RHBDD1: variants seen among roughly 807,000 people sequenced by gnomAD.
The protein encoded by RHBDD1 is rhomboid-related protein 4.
A neutral mutation model predicts 36.3 loss-of-function variants in RHBDD1; 38 were observed. The ratio of observed to expected loss-of-function variants is 1.05; its 90% CI spans 0.81 to 1.37. The LOEUF (loss-of-function observed/expected upper bound fraction) is 1.37. RHBDD1 is among the 40% of genes most tolerant of loss of function. The probability of loss-of-function intolerance (pLI) is 0.00; values close to 1 mark genes in which losing one functional copy is unlikely to be tolerated. For synonymous variants in RHBDD1, 151 were observed against 136.5 expected, an observed-to-expected ratio of 1.11 and a Z score of -0.74; for missense variants, 393 against 377.6, an observed-to-expected ratio of 1.04 and a Z score of -0.34.
chr2:226,963,152 T>C (rs1271593103), intron 8 of RHBDD1, among the ~76,000 whole-genome samples: 1 of 148,092 alleles, frequency 6.8e-6, no homozygotes, highest in African/African-American at 2.5e-5. Flanking sequence ...CACCCCTGGT[T>C]GAGAACCGCT....
rs1959187145 is a variant in RHBDD1 at position 226,995,807 on chromosome 2, G to A, written c.*285G>A. The A allele has an allele frequency of 4.8e-6, 2 of 414,296 alleles. No homozygotes were observed. Among genetic ancestry groups the A allele is most frequent in the East Asian group, 4.4e-5 (1 of 22,700 alleles). The allele number at this position is 414,296 out of a possible 1,614,324, so 25.7% of individuals were successfully genotyped here. On this transcript the variant is annotated 3_prime_UTR_variant, in exon 9 of 9. Coordinates refer to ENST00000392062, the MANE Select transcript of RHBDD1 (RefSeq NM_001167608.3). ...CATCTCTCACTGCTGACTCAGCGATGCCTCTGCCTCGGTCTGCTTTTGAAG... is the reference window on the plus strand; with the variant it reads ...CATCTCTCACTGCTGACTCAGCGATACCTCTGCCTCGGTCTGCTTTTGAAG...
At chr2:226,962,677 A>G (rs755337752) in intron 8 of RHBDD1, among the ~76,000 whole-genome samples, 1 of 152,236 alleles carries the variant, frequency 6.6e-6, no homozygotes, top group Non-Finnish European at 1.5e-5. Flanking sequence ...ATCTTTCTGG[A>G]AAGAAACAAG....
intron 8 of RHBDD1, among the ~76,000 whole-genome samples, chr2:226,951,428 G>A (rs1951420394): frequency 6.6e-6 from 1 of 152,176 alleles, no homozygotes; most frequent in African/African-American, 2.4e-5. Context: ...TCCTGTTGAA[G>A]TGAAATTAGA....
intron 3 of RHBDD1, among the ~76,000 whole-genome samples, 200 bp from the exon 4 acceptor site, chr2:226,864,404 A>G: frequency 6.6e-6 from 1 of 152,156 alleles, no homozygotes; most frequent in East Asian, 1.9e-4. Flanking sequence ...ATTTGGGATA[A>G]CATTTCTATT....
At chr2:226,964,009 T>G (rs1952428190) in intron 8 of RHBDD1, among the ~76,000 whole-genome samples, 2 of 152,132 alleles carry the variant, frequency 1.3e-5, no homozygotes, top group South Asian at 4.2e-4. Flanking sequence ...TATTTTGTCA[T>G]TGAGTATCCC....
chr2:226,911,602 A>G lies in RHBDD1; in HGVS notation c.713-2606A>G, dbSNP rs561886275. ...AAGTAAGATGTGTAAAAACACTACC[A>G]CAGTCTCCTTTACTCTCAAGGTCTG... On this transcript the variant is annotated intron_variant, in intron 7 of 8. Coordinates refer to ENST00000392062, the MANE Select transcript of RHBDD1 (RefSeq NM_001167608.3). 1.0e-4 allele frequency among the ~76,000 whole-genome samples: 15 copies of G among 145,484 alleles called. 1 individual carries two copies. In the South Asian group the frequency reaches 3.2e-3, roughly 31 times the overall value.
chr2:226,803,337 A>T, the RHBDD1 span, among the ~76,000 whole-genome samples: 13 of 150,220 alleles, frequency 8.7e-5, no homozygotes, highest in African/African-American at 3.0e-4. Flanking sequence ...TGTGTGTGAG[A>T]GAGAGAGAGA....
chr2:226,869,507 T>C (rs1486166941), intron 5 of RHBDD1, among the ~76,000 whole-genome samples: 1 of 152,200 alleles, frequency 6.6e-6, no homozygotes, highest in Non-Finnish European at 1.5e-5. Context: ...TGTAAATCTT[T>C]AGAACAAAGC....
intron 5 of RHBDD1, among the ~76,000 whole-genome samples, chr2:226,894,963 A>G (rs2125533010): frequency 6.6e-6 from 1 of 152,334 alleles, no homozygotes; most frequent in South Asian, 2.1e-4. Flanking sequence ...TGGCACATAC[A>G]AAGTCCTGAA....
intron 8 of RHBDD1, chr2:226,935,454 ACTGTGTGG>A (rs1344293027): frequency 2.0e-5 from 3 of 152,048 alleles, no homozygotes; most frequent in African/African-American, 7.2e-5. Flanking sequence ...TATTTGTCTT[ACTGTGTGG>A]CAATTTTTGT....
At chr2:226,923,035 A>T (rs1218114975) in intron 8 of RHBDD1, among the ~76,000 whole-genome samples, 1 of 152,156 alleles carries the variant, frequency 6.6e-6, no homozygotes, top group African/African-American at 2.4e-5. Flanking sequence ...TAGTCTTTCT[A>T]CTCAAGATAT....
chr2:226,896,230 A>G (rs1322272128), intron 5 of RHBDD1, among the ~76,000 whole-genome samples: 1 of 152,186 alleles, frequency 6.6e-6, no homozygotes, highest in African/African-American at 2.4e-5. Context: ...TCTCAAAGCA[A>G]AGAAAACAAC....
At chr2:226,908,733 C>A in intron 6 of RHBDD1, 89 bp from the exon 7 acceptor site, 1 of 878,428 alleles carries the variant, frequency 1.1e-6, no homozygotes, top group Non-Finnish European at 1.9e-6. Context: ...TGACCTTGGG[C>A]TTTGTCCAGA....
intron 4 of RHBDD1, among the ~76,000 whole-genome samples, chr2:226,866,639 G>A (rs1944372037): frequency 2.0e-5 from 3 of 152,102 alleles, no homozygotes; most frequent in Non-Finnish European, 4.4e-5. Flanking sequence ...ATTTAAATTA[G>A]GCGTTCTAAA....
At chr2:226,838,637 T>C (rs534366837) in intron 2 of RHBDD1, among the ~76,000 whole-genome samples, 2 of 152,368 alleles carry the variant, frequency 1.3e-5, no homozygotes, top group Non-Finnish European at 2.9e-5. Flanking sequence ...AGGTATTTGT[T>C]GTCTCAAACC....
chr2:226,900,937 T>A (rs967269007), intron 5 of RHBDD1, among the ~76,000 whole-genome samples: 1 of 152,208 alleles, frequency 6.6e-6, no homozygotes, highest in Non-Finnish European at 1.5e-5. Context: ...AATGTATTAT[T>A]ATTAACTCTA....
At chr2:226,890,172 T>C (rs993637937) in intron 5 of RHBDD1, among the ~76,000 whole-genome samples, 2 of 152,172 alleles carry the variant, frequency 1.3e-5, no homozygotes, top group Non-Finnish European at 2.9e-5. Flanking sequence ...ATTTACTGAA[T>C]AAAATAACTA....
chr2:226,865,793 GC>G (rs1944274632), intron 4 of RHBDD1, among the ~76,000 whole-genome samples: 3 of 152,202 alleles, frequency 2.0e-5, no homozygotes, highest in Admixed American at 6.5e-5. Context: ...GTTTCAGCCA[GC>G]CCCCTTTTAT....
At chr2:226,886,463 C>T (rs771360500) in intron 5 of RHBDD1, among the ~76,000 whole-genome samples, 2 of 152,106 alleles carry the variant, frequency 1.3e-5, no homozygotes, top group African/African-American at 2.4e-5. Flanking sequence ...AAAGGGAAAA[C>T]GGAGCATGTA....
Sources: allele counts gnomAD v4.1 joint callset (sites outside exome capture counted in the v4.1 genomes callset), GRCh38; gene constraint gnomAD v4.1.1; transcripts MANE v1.5; gene names NCBI Gene and HGNC (gene_info 2026-07-23, HGNC 2026-07-21).